Variants in DUT observed in about 807,000 individuals in gnomAD.
DUT encodes the protein deoxyuridine triphosphatase, also known as deoxyuridine 5'-triphosphate nucleotidohydrolase, mitochondrial.
Under a neutral mutation model 28.8 loss-of-function variants are expected in DUT, and 21 were observed. The ratio of observed to expected loss-of-function variants is 0.73; its 90% CI spans 0.52 to 1.05. The LOEUF is 1.05. Among genes scored for constraint, DUT ranks in the 50% least tolerant of loss-of-function variants. The pLI, the probability that DUT is intolerant of heterozygous loss-of-function variation, is 0.00. For synonymous variants in DUT, 147 were observed against 143.7 expected, an observed-to-expected ratio of 1.02 and a Z score of -0.17; for missense variants, 344 against 351.8, an observed-to-expected ratio of 0.98 and a Z score of 0.18.
At chr15:48,335,967 C>A in intron 3 of DUT, 79 bp from the exon 4 acceptor site, 1 of 1,091,186 alleles carries the variant, frequency 9.2e-7, no homozygotes, top group Non-Finnish European at 1.4e-6. Context: ...AAGAGAATGA[C>A]ATGCTTAAAT....
chr15:48,343,055 G>A lies in DUT; in HGVS notation c.*977G>A, dbSNP rs1163997197. ...ATTCCTTTGTATCAGGGTTTTGGGT[G>A]TCACTTAGGTTTTGTCCATCAGATT... On this transcript the variant is annotated 3_prime_UTR_variant, in exon 7 of 7. Coordinates refer to ENST00000331200, the MANE Select transcript of DUT (RefSeq NM_001025248.2). 1 of 152,206 alleles carries A rather than the reference G, an allele frequency of 6.6e-6. No individual in the cohort carries two copies. Among genetic ancestry groups the A allele is most frequent in the Non-Finnish European group, 1.5e-5 (1 of 68,054 alleles). 9.4% of individuals were successfully genotyped at this position (152,206 alleles called of 1,614,324 possible).
rs1428735964 is a variant in DUT at position 48,334,580 on chromosome 15, G to A, written c.511+72G>A. On this transcript the variant is annotated intron_variant, in intron 3 of 6. Coordinates refer to ENST00000331200, the MANE Select transcript of DUT (RefSeq NM_001025248.2). ...TGATAGATTCTTCATGTTTCATTTG[G>A]GGTAATAAGCAGGCAATATTGCTTG... 5 of 1,177,910 alleles carry A rather than the reference G, an allele frequency of 4.2e-6. No homozygotes were observed. In the African/African-American group the frequency reaches 4.5e-5, roughly 11 times the overall value. The allele number at this position is 1,177,910 out of a possible 1,614,324, so 73.0% of individuals were successfully genotyped here.
intron 4 of DUT, among the ~76,000 whole-genome samples, chr15:48,337,713 G>C (rs903052454): frequency 2.6e-5 from 4 of 152,190 alleles, no homozygotes; most frequent in African/African-American, 9.7e-5. Context: ...CTAGTGGTTG[G>C]TATGGTGTTA....
intron 2 of DUT, among the ~76,000 whole-genome samples, chr15:48,333,021 T>C (rs1384157371): frequency 2.0e-5 from 3 of 152,148 alleles, no homozygotes; most frequent in Non-Finnish European, 4.4e-5. Flanking sequence ...AAGAGCTGAA[T>C]TGATTTCCCC....
intron 1 of DUT, 78 bp downstream of exon 1, chr15:48,331,873 C>A: frequency 2.6e-6 from 1 of 391,120 alleles, no homozygotes; most frequent in Non-Finnish European, 3.1e-6. Flanking sequence ...AGTAGGGTGG[C>A]GAGCGGTCCT....
At chr15:48,336,191 A>G in intron 4 of DUT, 101 bp downstream of exon 4, 1 of 1,010,860 alleles carries the variant, frequency 9.9e-7, no homozygotes, top group Non-Finnish European at 1.4e-6. Flanking sequence ...AGAAAAGAAA[A>G]TGATTAGAGG....
At position 48,342,117 on chromosome 15, in the gene DUT, T is replaced by C; in HGVS notation, c.*39T>C. ...AACAGAAAACAAGAAGTCATACCTT[T>C]TTCTTAAAAAAAAAAAAAAAGTTTT... On this transcript the variant is annotated 3_prime_UTR_variant, in exon 7 of 7. Coordinates refer to ENST00000331200, the MANE Select transcript of DUT (RefSeq NM_001025248.2). The C allele has an allele frequency of 2.1e-6, 3 of 1,448,874 alleles. No homozygotes were observed. Among genetic ancestry groups the C allele is most frequent in the Non-Finnish European group, 2.8e-6 (3 of 1,088,774 alleles). 89.8% of individuals were successfully genotyped at this position (1,448,874 alleles called of 1,614,324 possible).
Position 48,331,666 on chromosome 15 carries a change from C to T in DUT, c.151C>T (p.His51Tyr), listed in dbSNP as rs2141155043. ...CCCGCCCCTCGGCCGCGCCGCGCAG[C>T]ACGGGATTCCCCGGCCGCTGTCCAG... is the stretch of plus-strand genomic sequence containing the variant. ...PGPPLGRAAQ[H>Y]GIPRPLSSAG... Residue 51 changes from histidine (H) to tyrosine (Y), a missense_variant, in exon 1 of 7, where the codon CAC becomes TAC. His to Tyr is a moderately conservative substitution (Grantham distance 83). Transcript: ENST00000331200. 2 of 1,535,134 alleles carry T rather than the reference C, an allele frequency of 1.3e-6. No homozygotes were observed. Among genetic ancestry groups the T allele is most frequent in the Non-Finnish European group, 1.8e-6 (2 of 1,140,778 alleles).
At chr15:48,336,476 T>A (rs2042476943) in intron 4 of DUT, among the ~76,000 whole-genome samples, 1 of 152,206 alleles carries the variant, frequency 6.6e-6, no homozygotes, top group Non-Finnish European at 1.5e-5. Flanking sequence ...TTCTCTAAAT[T>A]TGTTAAGACA....
At chr15:48,331,259 C>G (rs1378439143), upstream of DUT, 6 of 1,464,150 alleles carry the variant, frequency 4.1e-6, no homozygotes, top group African/African-American at 5.8e-5. Context: ...CCAGAGCAAA[C>G]AAGAAGAGCG....
intron 2 of DUT, 48 bp from the exon 3 acceptor site, chr15:48,334,369 C>G: frequency 7.7e-7 from 1 of 1,299,904 alleles, no homozygotes; most frequent in South Asian, 1.5e-5. Context: ...AATATAAAAA[C>G]AATTTTATAA....
Position 48,334,465 on chromosome 15 carries a change from G to A in DUT, c.468G>A (p.Thr156=), listed in dbSNP as rs1469970453. 1.9e-6 allele frequency: 3 copies of A among 1,611,572 alleles called. No individual in the cohort carries two copies. Among genetic ancestry groups the A allele is most frequent in the East Asian group, 2.2e-5 (1 of 44,842 alleles). ...IPPMEKAVVK[T]DIQIALPSGC... is the part of the protein sequence containing the mutation. Reference sequence around the variant, plus strand: ...CTATGGAGAAAGCTGTTGTGAAAACGGACATTCAGATAGCGCTCCCTTCTG... The same window carrying A: ...CTATGGAGAAAGCTGTTGTGAAAACAGACATTCAGATAGCGCTCCCTTCTG... The change falls in exon 3 of 7, where the codon ACG becomes ACA. Residue 156 remains threonine (T), a synonymous_variant. Transcript: ENST00000331200.
At chr15:48,332,817 A>G in intron 2 of DUT, 3 of 463,986 alleles carry the variant, frequency 6.5e-6, no homozygotes, top group South Asian at 4.7e-5. Context: ...TATTTTCTAT[A>G]CATTCATCCG....
intron 1 of DUT, 97 bp downstream of exon 1, chr15:48,331,892 CG>C (rs1160772067): frequency 4.7e-4 from 5 of 10,748 alleles, no homozygotes; most frequent in East Asian, 1.2e-3. Context: ...CTTCTGCGCG[CG>C]GGGGGCGGGG....
At chr15:48,332,203 C>G (rs545066212) in intron 1 of DUT, 65 bp from the exon 2 acceptor site, 5 of 1,518,002 alleles carry the variant, frequency 3.3e-6, no homozygotes, top group Non-Finnish European at 4.4e-6. Flanking sequence ...GCTCATCGTG[C>G]GCTCTCCTCT....
intron 1 of DUT, 116 bp from the exon 2 acceptor site, chr15:48,332,151 GC>G: frequency 7.0e-7 from 1 of 1,423,394 alleles, no homozygotes; most frequent in Non-Finnish European, 9.2e-7. Flanking sequence ...GTGGGGCGGG[GC>G]TGGCGGGAAA....
chr15:48,337,280 G>A (rs2042485717), intron 4 of DUT, among the ~76,000 whole-genome samples: 1 of 152,184 alleles, frequency 6.6e-6, no homozygotes, highest in African/African-American at 2.4e-5. Context: ...GCTTTTACAA[G>A]GTCAACTGTG....
chr15:48,341,477 G>T (rs1433154840), intron 5 of DUT, 38 bp from the exon 6 acceptor site: 1 of 1,593,610 alleles, frequency 6.3e-7, no homozygotes, highest in Admixed American at 1.7e-5. Context: ...TGGCGAATGT[G>T]TCAGTAACGT....
In DUT at chr15:48,331,693, G is replaced by A. The variant is rs751042335; in HGVS notation, c.178G>A (p.Ala60Thr). Residue 60 changes from alanine to threonine, a missense_variant, in exon 1 of 7, where the codon GCT (alanine) becomes ACT (threonine). Transcript: ENST00000331200. ...QHGIPRPLSS[A>T]GRLSQGCRGA... ...CGGGATTCCCCGGCCGCTGTCCAGC[G>A]CTGGCCGCCTGAGCCAAGGCTGCCG... 2.0e-6 allele frequency: 3 copies of A among 1,521,638 alleles called. No homozygotes were observed. The East Asian group carries it at 7.7e-5, about 39-fold the overall frequency. 94.3% of individuals were successfully genotyped at this position (1,521,638 alleles called of 1,614,324 possible).
Sources: allele counts gnomAD v4.1 joint callset (sites outside exome capture counted in the v4.1 genomes callset), GRCh38; gene constraint gnomAD v4.1.1; transcripts MANE v1.5; gene names NCBI Gene and HGNC (gene_info 2026-07-23, HGNC 2026-07-21).